SPAST: variants seen among roughly 807,000 people sequenced by gnomAD.
The protein encoded by SPAST is spastic paraplegia 4 (autosomal dominant; spastin).
A neutral mutation model predicts 76.6 loss-of-function variants in SPAST; 30 were observed. The ratio of observed to expected loss-of-function variants is 0.39; its 90% CI spans 0.29 to 0.53. SPAST has a LOEUF of 0.53. SPAST is among the 20% of genes least tolerant of loss of function. SPAST has a pLI of 0.68. For missense variants in SPAST, 717 were observed against 770.5 expected (o/e 0.93, Z 0.82); for synonymous variants, 305 against 281.0 (o/e 1.09, Z -0.86).
At chr2:32,130,871 C>CA (rs1453714188) in intron 9 of SPAST, among the ~76,000 whole-genome samples, 3 of 152,152 alleles carry the variant, frequency 2.0e-5, no homozygotes, top group Non-Finnish European at 2.9e-5. Flanking sequence ...ACACCAAGAG[C>CA]AGATCTATGT....
At chr2:32,144,871 C>A (rs1679835531) in intron 14 of SPAST, 66 bp from the exon 15 acceptor site, 1 of 1,119,796 alleles carries the variant, frequency 8.9e-7, no homozygotes, top group Admixed American at 1.9e-5. Context: ...GCAACAAGAG[C>A]AAAACTCCAT....
intron 16 of SPAST, 85 bp downstream of exon 16, chr2:32,147,343 T>TG: frequency 2.1e-6 from 1 of 483,802 alleles, no homozygotes; most frequent in South Asian, 3.1e-5. Flanking sequence ...TGTGTGTGTG[T>TG]GGTTTTTTTT....
Position 32,115,809 on chromosome 2 carries a change from C to T in SPAST, c.978C>T (p.Asn326=). Reference sequence around the variant, plus strand: ...GGAATGTGGACAGCAACCTTGCTAACCTTATAATGAATGAAATTGTGGACA... The same window carrying T: ...GGAATGTGGACAGCAACCTTGCTAATCTTATAATGAATGAAATTGTGGACA... ...NFRNVDSNLA[N]LIMNEIVDNG... The change falls in exon 6 of 17, where the codon AAC becomes AAT. Residue 326 remains asparagine, a synonymous_variant. Transcript: ENST00000315285. The T allele has an allele frequency of 6.2e-7, 1 of 1,610,050 alleles. No homozygotes were observed. The highest frequency in any genetic ancestry group is 2.2e-5 in the East Asian group (1 of 44,676).
intron 16 of SPAST, among the ~76,000 whole-genome samples, chr2:32,149,272 T>G (rs7601469): frequency 6.8e-6 from 1 of 146,590 alleles, no homozygotes; most frequent in East Asian, 2.0e-4. Context: ...TTTTTTTTTG[T>G]ATTTTTAGTA....
intron 7 of SPAST, 33 bp from the exon 8 acceptor site, chr2:32,126,915 T>A: frequency 6.9e-7 from 1 of 1,444,468 alleles, no homozygotes; most frequent in South Asian, 1.1e-5. Flanking sequence ...GTCTCTAGAA[T>A]CATAGTTGTA....
chr2:32,123,028 G>A (rs1315777515), intron 7 of SPAST, among the ~76,000 whole-genome samples: 4 of 152,194 alleles, frequency 2.6e-5, no homozygotes, highest in South Asian at 2.1e-4. Context: ...TTGGGAGGCC[G>A]AGGTGGGCAG....
At chr2:32,076,686 GA>G (rs748895106) in intron 1 of SPAST, among the ~76,000 whole-genome samples, 23 of 151,900 alleles carry the variant, frequency 1.5e-4, no homozygotes, top group Non-Finnish European at 1.0e-4. Flanking sequence ...TCTACCAGGA[GA>G]TTTTTTTTTT....
chr2:32,149,982 T>C (rs546976787), intron 16 of SPAST, among the ~76,000 whole-genome samples: 1 of 147,366 alleles, frequency 6.8e-6, no homozygotes, highest in Non-Finnish European at 1.5e-5. Flanking sequence ...AGTTTGTTTG[T>C]TTTTTTTTTT....
intron 1 of SPAST, among the ~76,000 whole-genome samples, chr2:32,074,623 C>T (rs1676879093): frequency 6.6e-6 from 1 of 152,062 alleles, no homozygotes; most frequent in East Asian, 1.9e-4. Context: ...TCTCCTGCCT[C>T]AGCCTCCCAA....
chr2:32,102,299 T>C (rs1308416613), intron 4 of SPAST, among the ~76,000 whole-genome samples: 2 of 152,238 alleles, frequency 1.3e-5, no homozygotes, highest in South Asian at 4.1e-4. Context: ...TAGGAATGCT[T>C]GTGATTTTTG....
intron 12 of SPAST, 50 bp from the exon 13 acceptor site, chr2:32,141,854 G>A: frequency 6.8e-7 from 1 of 1,464,878 alleles, no homozygotes; most frequent in East Asian, 2.3e-5. Context: ...TGCTGTTTCA[G>A]CTTTAAATTC....
intron 9 of SPAST, among the ~76,000 whole-genome samples, chr2:32,134,556 G>A (rs900024582): frequency 2.6e-5 from 4 of 151,942 alleles, no homozygotes; most frequent in African/African-American, 4.8e-5. Flanking sequence ...CTCCCATTTC[G>A]GCCTCCCAAA....
chr2:32,081,781 C>CAAAAAAAAAAAAAAAA lies in SPAST; in HGVS notation c.416-5703_416-5688dup, dbSNP rs34078147. Reference sequence around the variant, plus strand: ...CCTGGGCGACAGAGTGAGACACTGTCAAAAAAAAAAAAAAAAAAAAAAAGG... The same window carrying CAAAAAAAAAAAAAAAA: ...CCTGGGCGACAGAGTGAGACACTGTCAAAAAAAAAAAAAAAAAAAAAAAAAAAAAAAAAAAAAAAGG... On this transcript the variant is annotated intron_variant, in intron 1 of 16. Transcript: ENST00000315285. 3.4e-3 allele frequency among the ~76,000 whole-genome samples: 152 copies of CAAAAAAAAAAAAAAAA among 44,350 alleles called. 5 individuals are homozygous for CAAAAAAAAAAAAAAAA. Among genetic ancestry groups the CAAAAAAAAAAAAAAAA allele is most frequent in the Non-Finnish European group, 5.0e-3 (125 of 24,956 alleles). 29.1% of individuals were successfully genotyped at this position (44,350 alleles called of 152,430 possible).
chr2:32,133,171 T>C (rs1328698967), intron 9 of SPAST, among the ~76,000 whole-genome samples: 2 of 152,244 alleles, frequency 1.3e-5, no homozygotes, highest in East Asian at 3.8e-4. Context: ...TTAAAATATC[T>C]AGATTATTTT....
At chr2:32,077,589 C>A (rs1677015942) in intron 1 of SPAST, among the ~76,000 whole-genome samples, 1 of 152,090 alleles carries the variant, frequency 6.6e-6, no homozygotes, top group Non-Finnish European at 1.5e-5. Context: ...TTTCCAAAAT[C>A]ATATTGCTAT....
rs1678563225 is a variant in SPAST at position 32,110,876 on chromosome 2, ATCGTGTG to A, written c.683-3760_683-3754del. 1.8e-5 allele frequency among the ~76,000 whole-genome samples: 2 copies of A among 112,938 alleles called. 1 individual carries two copies. The highest frequency in any genetic ancestry group is 2.0e-4 in the Admixed American group (2 of 9,970). 74.1% of individuals were successfully genotyped at this position (112,938 alleles called of 152,430 possible). On this transcript the variant is annotated intron_variant, in intron 4 of 16. Coordinates refer to ENST00000315285, the MANE Select transcript of SPAST (RefSeq NM_014946.4). ...ATAGAGTATATATACAGTATACTATATCGTGTGTATAGAGTATATATACAGTATACTA... is the reference window on the plus strand; with the variant it reads ...ATAGAGTATATATACAGTATACTATATATAGAGTATATATACAGTATACTA...
chr2:32,109,454 C>G (rs1204323838), intron 4 of SPAST, among the ~76,000 whole-genome samples: 1 of 151,962 alleles, frequency 6.6e-6, no homozygotes, highest in Non-Finnish European at 1.5e-5. Flanking sequence ...GAATATTCCC[C>G]TTCTGTTTCT....
intron 15 of SPAST, among the ~76,000 whole-genome samples, chr2:32,146,326 A>G (rs1300185918): frequency 6.6e-6 from 1 of 152,180 alleles, no homozygotes; most frequent in Admixed American, 6.6e-5. Flanking sequence ...TGGGAGGCCA[A>G]GGTGGGAGGA....
At chr2:32,136,526 C>A (rs139305914) in intron 9 of SPAST, 37 bp from the exon 10 acceptor site, 2 of 1,403,060 alleles carry the variant, frequency 1.4e-6, no homozygotes, top group Non-Finnish European at 1.0e-6. Flanking sequence ...AATAATGTTG[C>A]ATTTTATGTG....
Sources: gnomAD v4.1 joint callset for allele counts (sites outside exome capture counted in the v4.1 genomes callset) on GRCh38, gnomAD v4.1.1 for gene constraint, MANE v1.5 for transcripts, NCBI Gene and HGNC (gene_info 2026-07-23, HGNC 2026-07-21) for gene names.